IL7: variants seen among roughly 807,000 people sequenced by gnomAD.
IL7 encodes the protein interleukin 7.
In IL7, 3 loss-of-function variants were observed where a neutral mutation model predicts 21.6. That is an observed-to-expected ratio of 0.14 (90% CI 0.06 to 0.36). The LOEUF (loss-of-function observed/expected upper bound fraction) is 0.36. Ranked by LOEUF, IL7 falls within the 10% of genes least tolerant of loss-of-function variation. The pLI is 1.00. For missense variants in IL7, 175 were observed against 200.2 expected, an observed-to-expected ratio of 0.87 and a Z score of 0.76; for synonymous variants, 62 against 68.1, an observed-to-expected ratio of 0.91 and a Z score of 0.44.
At chr8:78,707,858 T>A (rs1282717312) in intron 3 of IL7, among the ~76,000 whole-genome samples, 1 of 149,470 alleles carries the variant, frequency 6.7e-6, no homozygotes, top group Non-Finnish European at 1.5e-5. Flanking sequence ...TTTTTTTCTT[T>A]TTTTTTTTTT....
chr8:78,677,076 T>C (rs555365986), intron 4 of IL7, among the ~76,000 whole-genome samples: 1 of 152,130 alleles, frequency 6.6e-6, no homozygotes, highest in Non-Finnish European at 1.5e-5. Context: ...ACTTGATTGC[T>C]AATTGTGTAC....
At chr8:78,757,310 G>A (rs1350402662) in intron 2 of IL7, among the ~76,000 whole-genome samples, 1 of 151,958 alleles carries the variant, frequency 6.6e-6, no homozygotes, top group African/African-American at 2.4e-5. Flanking sequence ...ACTAGCATAT[G>A]GTTTATCCTG....
At chr8:78,737,503 G>C (rs1292470722) in intron 4 of IL7, among the ~76,000 whole-genome samples, 1 of 152,058 alleles carries the variant, frequency 6.6e-6, no homozygotes, top group Non-Finnish European at 1.5e-5. Flanking sequence ...CAAACGTAAG[G>C]ACGCAAGTTT....
At chr8:78,795,961 A>G (rs557029757) in intron 2 of IL7, among the ~76,000 whole-genome samples, 1 of 152,184 alleles carries the variant, frequency 6.6e-6, no homozygotes, top group Non-Finnish European at 1.5e-5. Context: ...TATGTGGAAG[A>G]GACAGTGGAG....
intron 2 of IL7, among the ~76,000 whole-genome samples, chr8:78,766,221 G>T (rs1812748982): frequency 6.6e-6 from 1 of 152,126 alleles, no homozygotes. Context: ...CAGTGAAGTT[G>T]TTAGGAGAGT....
rs1176064232 is a variant in IL7, at chr8:78,744,961, T to G, written c.148-4879A>C. On this transcript the variant is annotated intron_variant, in intron 2 of 5. Coordinates refer to ENST00000263851, the MANE Select transcript of IL7 (RefSeq NM_000880.4). ...GGTGGGCTGTCGTCCTGCCTTTGTT[T>G]TCTATGTTCTCCATGGGTCAAGTTG... 4.6e-5 allele frequency among the ~76,000 whole-genome samples: 7 copies of G among 152,288 alleles called. No individual in the cohort carries two copies. The East Asian group carries it at 1.4e-3, about 29-fold the overall frequency.
At chr8:78,691,776 A>G (rs1810221045) in intron 3 of IL7, among the ~76,000 whole-genome samples, 1 of 152,082 alleles carries the variant, frequency 6.6e-6, no homozygotes, top group African/African-American at 2.4e-5. Flanking sequence ...ATATCTATGG[A>G]TATTTTTATT....
chr8:78,804,834 G>A (rs1418870149), intron 1 of IL7, 79 bp downstream of exon 1: 48 of 1,553,560 alleles, frequency 3.1e-5, no homozygotes, highest in Middle Eastern at 1.7e-4. Flanking sequence ...TTGCCTAGGA[G>A]CAGGGGCCCC....
At chr8:78,688,369 C>T (rs1200898742) in intron 3 of IL7, among the ~76,000 whole-genome samples, 1 of 151,924 alleles carries the variant, frequency 6.6e-6, no homozygotes, top group East Asian at 1.9e-4. Flanking sequence ...TTATTTCTTT[C>T]TTATGAGAGG....
intron 2 of IL7, among the ~76,000 whole-genome samples, chr8:78,773,317 G>A (rs949053756): frequency 6.6e-6 from 1 of 152,100 alleles, no homozygotes. Context: ...GGGAGAATGT[G>A]CTAACTCTAC....
At chr8:78,762,092 C>G (rs1443915638) in intron 2 of IL7, 2 of 1,598,990 alleles carry the variant, frequency 1.3e-6, no homozygotes, top group African/African-American at 1.3e-5. Context: ...TTTCAGTGTC[C>G]TGATTTCATC....
chr8:78,726,871 A>T (rs1004311271), intron 3 of IL7, among the ~76,000 whole-genome samples: 2 of 152,006 alleles, frequency 1.3e-5, no homozygotes, highest in African/African-American at 4.8e-5. Flanking sequence ...CTAGTTTCTT[A>T]ATATAGTACC....
chr8:78,687,768 CATT>C lies in IL7; in HGVS notation n.215-1824_215-1822del, dbSNP rs1230336311. On this transcript the variant is annotated intron_variant and non_coding_transcript_variant, in intron 3 of 4. Coordinates refer to the IL7 transcript ENST00000523959. ...ATACATTATATATATTTACGTAAGA[CATT>C]ATATATATATTTACGTAATACATTA... Among the ~76,000 whole-genome samples, 5 of 56,998 alleles carry C rather than the reference CATT, an allele frequency of 8.8e-5. 1 individual carries two copies. Among genetic ancestry groups the C allele is most frequent in the African/African-American group, 2.4e-4 (4 of 16,882 alleles). 37.4% of individuals were successfully genotyped at this position (56,998 alleles called of 152,430 possible).
chr8:78,730,924 GA>G (rs1287040815), downstream of IL7, among the ~76,000 whole-genome samples: 4 of 151,952 alleles, frequency 2.6e-5, no homozygotes, highest in South Asian at 2.1e-4. Context: ...AGCAATTGAG[GA>G]AAAGGAATTG....
intron 2 of IL7, chr8:78,746,956 T>C: frequency 2.4e-6 from 1 of 423,198 alleles, no homozygotes; most frequent in South Asian, 1.7e-5. Context: ...ATTTTTCTTT[T>C]CAGGAGAGAA....
chr8:78,770,804 C>A (rs536915275), intron 2 of IL7, among the ~76,000 whole-genome samples: 1 of 152,022 alleles, frequency 6.6e-6, no homozygotes, highest in Non-Finnish European at 1.5e-5. Flanking sequence ...ACAGTTTTGT[C>A]TATCCAGTGA....
At chr8:78,727,133 T>C (rs1037085252) in intron 3 of IL7, among the ~76,000 whole-genome samples, 2 of 152,036 alleles carry the variant, frequency 1.3e-5, no homozygotes, top group South Asian at 2.1e-4. Context: ...TCTTCTTCAC[T>C]GTGGTGTATC....
chr8:78,727,492 A>G (rs1480114214), intron 3 of IL7, among the ~76,000 whole-genome samples: 1 of 152,042 alleles, frequency 6.6e-6, no homozygotes, highest in Non-Finnish European at 1.5e-5. Context: ...ACATATTTCA[A>G]TAACAAGTAT....
intron 3 of IL7, among the ~76,000 whole-genome samples, chr8:78,687,328 C>G (rs994653731): frequency 6.6e-6 from 1 of 151,366 alleles, no homozygotes; most frequent in Middle Eastern, 3.2e-3. Context: ...TTTAGCAAAT[C>G]TAGATATGAT....
Sources: gnomAD v4.1 joint callset for allele counts (sites outside exome capture counted in the v4.1 genomes callset) on GRCh38, gnomAD v4.1.1 for gene constraint, MANE v1.5 for transcripts, NCBI Gene and HGNC (gene_info 2026-07-23, HGNC 2026-07-21) for gene names.